Variants in NTF3 observed in about 807,000 individuals in gnomAD.
NTF3 encodes neurotrophin-3.
NTF3 carries 8 observed loss-of-function variants against 26.3 expected under a neutral mutation model. The ratio of observed to expected loss-of-function variants is 0.30; its 90% confidence interval spans 0.18 to 0.55. The LOEUF is 0.55. Ranked by LOEUF, NTF3 falls within the 20% of genes least tolerant of loss-of-function variation. NTF3 has a pLI of 0.93. For missense variants in NTF3, 276 were observed against 352.9 expected (o/e 0.78, Z 1.75); for synonymous variants, 154 against 145.5 (o/e 1.06, Z -0.42).
At chr12:5,452,673 G>A (rs940333099) in intron 1 of NTF3, among the ~76,000 whole-genome samples, 4 of 152,142 alleles carry the variant, frequency 2.6e-5, no homozygotes, top group South Asian at 2.1e-4. Context: ...GTGGGGAGCC[G>A]GGGCTGATGG....
intron 1 of NTF3, among the ~76,000 whole-genome samples, chr12:5,448,920 A>G (rs1940337958): frequency 6.6e-6 from 1 of 152,260 alleles, no homozygotes; most frequent in Admixed American, 6.5e-5. Flanking sequence ...CTCATTCGGC[A>G]ACGCACTTCT....
At chr12:5,478,315 A>G (rs564471621) in intron 1 of NTF3, among the ~76,000 whole-genome samples, 9 of 152,264 alleles carry the variant, frequency 5.9e-5, no homozygotes, top group Admixed American at 1.3e-4. Flanking sequence ...GCATCCATGC[A>G]TTGTAAATTC....
intron 1 of NTF3, among the ~76,000 whole-genome samples, chr12:5,492,440 T>G (rs1380635673): frequency 3.3e-5 from 5 of 152,244 alleles, no homozygotes; most frequent in Non-Finnish European, 7.3e-5. Context: ...GTAATCCTAG[T>G]TGTATGCCAT....
At chr12:5,464,909 C>T (rs1940570610) in intron 1 of NTF3, among the ~76,000 whole-genome samples, 1 of 152,186 alleles carries the variant, frequency 6.6e-6, no homozygotes, top group Non-Finnish European at 1.5e-5. Context: ...ACCTGAACAA[C>T]TGGCAGCCTC....
intron 1 of NTF3, among the ~76,000 whole-genome samples, chr12:5,486,880 GGTGTGTGTGTGTGT>G (rs10527557): frequency 4.0e-5 from 6 of 148,700 alleles, no homozygotes; most frequent in East Asian, 4.0e-4. Flanking sequence ...GTAGTTACGT[GGTGTGTGTGTGTGT>G]GTGTGTGTGT....
intron 1 of NTF3, among the ~76,000 whole-genome samples, chr12:5,483,332 C>T (rs113966175): frequency 5.3e-5 from 8 of 152,260 alleles, no homozygotes; most frequent in Non-Finnish European, 7.4e-5. Context: ...CCTCTTCTGG[C>T]GCACACCTTC....
Position 5,495,094 on chromosome 12 carries a change from TATTA to T in NTF3, c.*108_*111del. ...TATATATTATAAGTTGACCTTTATTTATTAAACTTCAGCAACCCTACAGTATATA... is the reference window on the plus strand; with the variant it reads ...TATATATTATAAGTTGACCTTTATTTAACTTCAGCAACCCTACAGTATATA... On this transcript the variant is annotated 3_prime_UTR_variant, in exon 2 of 2. Transcript: ENST00000423158. 3.2e-6 allele frequency: 4 copies of T among 1,266,184 alleles called. No homozygotes were observed. In the South Asian group the frequency reaches 6.0e-5, roughly 19 times the overall value. 78.4% of individuals were successfully genotyped at this position (1,266,184 alleles called of 1,614,324 possible).
At chr12:5,441,089 A>T (rs1177086549) in intron 1 of NTF3, among the ~76,000 whole-genome samples, 1 of 152,140 alleles carries the variant, frequency 6.6e-6, no homozygotes, top group Non-Finnish European at 1.5e-5. Context: ...CAATAAGCTA[A>T]ATCAGAGAGA....
chr12:5,449,670 G>A (rs937555387), intron 1 of NTF3, among the ~76,000 whole-genome samples: 7 of 152,126 alleles, frequency 4.6e-5, no homozygotes, highest in African/African-American at 1.2e-4. Context: ...TAAGAAAAGC[G>A]CTAACAAGCC....
intron 1 of NTF3, among the ~76,000 whole-genome samples, chr12:5,470,136 T>A (rs1012075306): frequency 6.6e-6 from 1 of 152,124 alleles, no homozygotes; most frequent in Non-Finnish European, 1.5e-5. Context: ...GTGTTAGCCA[T>A]GATGGTCTTG....
chr12:5,471,528 G>A (rs903505619), intron 1 of NTF3, among the ~76,000 whole-genome samples: 7 of 152,192 alleles, frequency 4.6e-5, no homozygotes, highest in African/African-American at 9.6e-5. Context: ...CACCTGGAGC[G>A]TCTCAGGAGA....
At chr12:5,446,893 G>A (rs909495331) in intron 1 of NTF3, among the ~76,000 whole-genome samples, 6 of 152,300 alleles carry the variant, frequency 3.9e-5, no homozygotes, top group South Asian at 4.1e-4. Context: ...AATGAGCCAC[G>A]CCGACCTGAT....
chr12:5,470,491 G>A (rs887646790), intron 1 of NTF3, among the ~76,000 whole-genome samples: 3 of 152,206 alleles, frequency 2.0e-5, no homozygotes, highest in African/African-American at 2.4e-5. Flanking sequence ...GGGGACATCC[G>A]TGTTCCTGGG....
rs771252376 is a variant in NTF3, at chr12:5,439,736, G to T, written c.18+7394G>T. On this transcript the variant is annotated intron_variant, in intron 1 of 1. Transcript: ENST00000423158. ...GTTTTGATCCACACGCCCACGAGAG[G>T]TGGTAGGTCCCAGCATTCTTGAGTC... 2.0e-5 allele frequency among the ~76,000 whole-genome samples: 3 copies of T among 152,218 alleles called. No homozygotes were observed. In the South Asian group the frequency reaches 6.2e-4, roughly 32 times the overall value.
intron 1 of NTF3, among the ~76,000 whole-genome samples, chr12:5,450,077 G>A (rs529343699): frequency 1.5e-3 from 225 of 152,236 alleles, no homozygotes; most frequent in Middle Eastern, 6.8e-3. Context: ...CCAAAGCCTC[G>A]GTGGGACTCT....
At chr12:5,449,847 T>C (rs1172083060) in intron 1 of NTF3, among the ~76,000 whole-genome samples, 1 of 152,264 alleles carries the variant, frequency 6.6e-6, no homozygotes, top group Non-Finnish European at 1.5e-5. Context: ...TACATACGAA[T>C]ATACACATAT....
At chr12:5,436,425 G>A (rs948961477) in intron 1 of NTF3, among the ~76,000 whole-genome samples, 2 of 152,174 alleles carry the variant, frequency 1.3e-5, no homozygotes, top group South Asian at 4.1e-4. Flanking sequence ...GATTGGGAAT[G>A]TCTTAGTTCT....
intron 1 of NTF3, among the ~76,000 whole-genome samples, chr12:5,482,515 G>A (rs902098493): frequency 3.3e-5 from 5 of 152,190 alleles, no homozygotes; most frequent in African/African-American, 1.2e-4. Flanking sequence ...GTGGCAGGGT[G>A]GAGCAGTCTC....
rs181357864 is a variant in NTF3, at chr12:5,455,022, A to T, written c.18+22680A>T. Among the ~76,000 whole-genome samples, 195 of 152,200 alleles carry T rather than the reference A, an allele frequency of 1.3e-3. 1 individual carries two copies. Among genetic ancestry groups the T allele is most frequent in the African/African-American group, 4.4e-3 (183 of 41,540 alleles). Reference sequence around the variant, plus strand: ...GGGAGGTGGATGGGTGCTCTCTAGGATCCCTTCCTGGCCAGAATAACATTC... The same window carrying T: ...GGGAGGTGGATGGGTGCTCTCTAGGTTCCCTTCCTGGCCAGAATAACATTC... On this transcript the variant is annotated intron_variant, in intron 1 of 1. Transcript: ENST00000423158.
Sources: allele counts gnomAD v4.1 joint callset (sites outside exome capture counted in the v4.1 genomes callset), GRCh38; gene constraint gnomAD v4.1.1; transcripts MANE v1.5; gene names NCBI Gene and HGNC (gene_info 2026-07-23, HGNC 2026-07-21).